Variants in RBFOX1 observed in about 807,000 individuals in gnomAD.
RBFOX1 encodes the protein RNA binding protein fox-1 homolog 1.
RBFOX1 carries 8 observed loss-of-function variants against 57.7 expected under a neutral mutation model. The observed-to-expected ratio is 0.14, with a 90% confidence interval of 0.08 to 0.25. RBFOX1 has a LOEUF of 0.25. Ranked by LOEUF, RBFOX1 falls within the 10% of genes least tolerant of loss-of-function variation. RBFOX1 has a pLI of 1.00. For missense variants in RBFOX1, 611 were observed against 548.5 expected (o/e 1.11, Z -1.14); for synonymous variants, 326 against 222.4 (o/e 1.47, Z -4.15).
intron 4 of RBFOX1, among the ~76,000 whole-genome samples, chr16:7,089,945 A>G (rs540833330): frequency 1.3e-5 from 2 of 151,942 alleles, no homozygotes; most frequent in Admixed American, 6.5e-5. Context: ...TTAAATTGGA[A>G]CAGCTGGATG....
chr16:5,696,786 G>T (rs2050858625), intron 3 of RBFOX1, among the ~76,000 whole-genome samples: 1 of 152,024 alleles, frequency 6.6e-6, no homozygotes, highest in Non-Finnish European at 1.5e-5. Context: ...CTTTCTTCAT[G>T]TCTGTCTATA....
At chr16:6,273,866 A>T (rs1017088520) in intron 1 of RBFOX1, among the ~76,000 whole-genome samples, 5 of 152,138 alleles carry the variant, frequency 3.3e-5, no homozygotes, top group African/African-American at 9.7e-5. Flanking sequence ...GAACCAAAAA[A>T]ATCAAGCAGT....
chr16:5,909,538 G>A (rs1027446308), intron 4 of RBFOX1, among the ~76,000 whole-genome samples: 1 of 152,198 alleles, frequency 6.6e-6, no homozygotes, highest in African/African-American at 2.4e-5. Flanking sequence ...GGTGCAGGAG[G>A]CACGGTTTAT....
At chr16:5,325,036 A>G (rs1287928197) in intron 1 of RBFOX1, among the ~76,000 whole-genome samples, 1 of 152,194 alleles carries the variant, frequency 6.6e-6, no homozygotes, top group African/African-American at 2.4e-5. Flanking sequence ...AAGTCTACCT[A>G]TGTGACAAAC....
intron 2 of RBFOX1, among the ~76,000 whole-genome samples, chr16:6,434,928 C>T (rs1477362435): frequency 6.6e-6 from 1 of 152,186 alleles, no homozygotes; most frequent in Non-Finnish European, 1.5e-5. Context: ...AGGCCAGCTT[C>T]CAAGGAGCTT....
At chr16:6,307,271 CG>C (rs2079624409) in intron 1 of RBFOX1, among the ~76,000 whole-genome samples, 1 of 151,882 alleles carries the variant, frequency 6.6e-6, no homozygotes, top group Non-Finnish European at 1.5e-5. Flanking sequence ...TCATTATTGC[CG>C]GGCAGGAGGC....
intron 4 of RBFOX1, among the ~76,000 whole-genome samples, chr16:7,375,145 T>G (rs1031442895): frequency 3.3e-5 from 5 of 152,232 alleles, no homozygotes; most frequent in African/African-American, 1.2e-4. Flanking sequence ...ATCTTTTCAG[T>G]AACGTTGGTA....
chr16:6,138,673 C>G (rs1292544247), intron 1 of RBFOX1, among the ~76,000 whole-genome samples: 1 of 152,178 alleles, frequency 6.6e-6, no homozygotes, highest in Non-Finnish European at 1.5e-5. Context: ...CGACACCATC[C>G]TGGCTAACAT....
At chr16:6,091,323 CAGA>C (rs1271674441) in intron 1 of RBFOX1, among the ~76,000 whole-genome samples, 2 of 152,160 alleles carry the variant, frequency 1.3e-5, no homozygotes, top group East Asian at 1.9e-4. Flanking sequence ...GCTATTTCGT[CAGA>C]AGAAGATTTG....
intron 3 of RBFOX1, among the ~76,000 whole-genome samples, chr16:6,871,191 C>T (rs992420050): frequency 1.3e-5 from 2 of 152,028 alleles, no homozygotes; most frequent in African/African-American, 4.8e-5. Flanking sequence ...GAAAATCACC[C>T]CTGCTTTTTT....
At chr16:5,448,664 T>A (rs2068327372) in intron 1 of RBFOX1, among the ~76,000 whole-genome samples, 1 of 152,172 alleles carries the variant, frequency 6.6e-6, no homozygotes, top group Non-Finnish European at 1.5e-5. Flanking sequence ...CCCTTTGGCG[T>A]TGGCTACCGT....
At chr16:6,052,598 C>G (rs966048486) in intron 1 of RBFOX1, among the ~76,000 whole-genome samples, 5 of 151,914 alleles carry the variant, frequency 3.3e-5, no homozygotes, top group African/African-American at 4.8e-5. Flanking sequence ...TCCTGGCTAA[C>G]TTGGTGAAAC....
chr16:5,683,365 A>T (rs1049833186), intron 3 of RBFOX1, among the ~76,000 whole-genome samples: 1 of 151,892 alleles, frequency 6.6e-6, no homozygotes, highest in African/African-American at 2.4e-5. Flanking sequence ...GTGATGGTCA[A>T]TACTGAGTGT....
intron 4 of RBFOX1, among the ~76,000 whole-genome samples, chr16:7,350,069 C>T (rs964203860): frequency 6.6e-6 from 1 of 152,072 alleles, no homozygotes; most frequent in Non-Finnish European, 1.5e-5. Context: ...ATCACTTGAA[C>T]TTGGGAGGCA....
chr16:6,935,889 C>T (rs1226118392), intron 3 of RBFOX1, among the ~76,000 whole-genome samples: 2 of 152,150 alleles, frequency 1.3e-5, no homozygotes, highest in Non-Finnish European at 2.9e-5. Flanking sequence ...GCCTGCACAT[C>T]GGTTGCTAAT....
chr16:6,811,035 C>T (rs559826098), intron 3 of RBFOX1, among the ~76,000 whole-genome samples: 62 of 152,258 alleles, frequency 4.1e-4, no homozygotes, highest in African/African-American at 1.4e-3. Flanking sequence ...CACAGAAAAA[C>T]TGATGATGAT....
At chr16:7,654,768 T>C (rs1315556708) in intron 12 of RBFOX1, among the ~76,000 whole-genome samples, 1 of 152,200 alleles carries the variant, frequency 6.6e-6, no homozygotes, top group Non-Finnish European at 1.5e-5. Context: ...TCCAAGGCAG[T>C]GGCCCTAGAC....
intron 2 of RBFOX1, among the ~76,000 whole-genome samples, chr16:6,335,389 G>C (rs984479098): frequency 2.0e-5 from 3 of 152,168 alleles, no homozygotes; most frequent in Admixed American, 1.3e-4. Context: ...CCAGGAGAGG[G>C]AGGAAGTTCT....
intron 2 of RBFOX1, among the ~76,000 whole-genome samples, chr16:5,596,459 C>G (rs1383728107): frequency 6.6e-6 from 1 of 152,166 alleles, no homozygotes; most frequent in Non-Finnish European, 1.5e-5. Context: ...GTCTCTGTTT[C>G]TGTTACTGAG....
Sources: gnomAD v4.1 joint callset for allele counts (sites outside exome capture counted in the v4.1 genomes callset) on GRCh38, gnomAD v4.1.1 for gene constraint, MANE v1.5 for transcripts, NCBI Gene and HGNC (gene_info 2026-07-23, HGNC 2026-07-21) for gene names.